Variants in EHD1 observed in about 807,000 individuals in gnomAD.
The protein encoded by EHD1 is EH domain-containing protein 1.
EHD1 carries 19 observed loss-of-function variants against 39.0 expected under a neutral mutation model. That is an observed-to-expected ratio of 0.49 (90% confidence interval 0.34 to 0.72). The LOEUF is 0.72. Among genes scored for constraint, EHD1 ranks in the 30% least tolerant of loss-of-function variants. The pLI, the probability that EHD1 is intolerant of heterozygous loss-of-function variation, is 0.01. For synonymous variants in EHD1, 323 were observed against 331.2 expected (o/e 0.98, Z 0.27); for missense variants, 542 against 751.5 (o/e 0.72, Z 3.26).
chr11:64,879,657 C>G, upstream of EHD1: 2 of 1,550,894 alleles, frequency 1.3e-6, no homozygotes, highest in Non-Finnish European at 8.7e-7. Flanking sequence ...CCATCCTCCC[C>G]GGCCACACAC....
At chr11:64,859,143 C>A (rs1417192739) in intron 3 of EHD1, among the ~76,000 whole-genome samples, 2 of 152,298 alleles carry the variant, frequency 1.3e-5, no homozygotes, top group Non-Finnish European at 1.5e-5. Flanking sequence ...TTTTTGTTTG[C>A]GTGCTCTGCT....
At chr11:64,863,525 T>A (rs1181926078) in intron 2 of EHD1, among the ~76,000 whole-genome samples, 1 of 152,168 alleles carries the variant, frequency 6.6e-6, no homozygotes, top group Non-Finnish European at 1.5e-5. Flanking sequence ...CAAAGGCAGG[T>A]CCACAGCCCA....
At chr11:64,864,460 A>G (rs1943747102) in intron 2 of EHD1, among the ~76,000 whole-genome samples, 1 of 152,204 alleles carries the variant, frequency 6.6e-6, no homozygotes, top group African/African-American at 2.4e-5. Context: ...AGAAAACCAG[A>G]AAGAGAGGCC....
At chr11:64,861,395 C>G (rs547635257) in intron 2 of EHD1, among the ~76,000 whole-genome samples, 6 of 152,190 alleles carry the variant, frequency 3.9e-5, no homozygotes, top group Admixed American at 1.3e-4. Context: ...CAGCACTGTG[C>G]TCAGCACAGC....
At chr11:64,870,240 C>A (rs2136494728) in intron 2 of EHD1, among the ~76,000 whole-genome samples, 1 of 152,294 alleles carries the variant, frequency 6.6e-6, no homozygotes, top group South Asian at 2.1e-4. Flanking sequence ...CCAACAGGGG[C>A]AAAGGTCTGT....
At chr11:64,878,653 G>C (rs1255866364), upstream of EHD1, 7 of 1,388,596 alleles carry the variant, frequency 5.0e-6, no homozygotes, top group Admixed American at 2.1e-4. Flanking sequence ...GGCCTTTATA[G>C]GGTCGGTCCC....
chr11:64,860,368 GC>G, intron 2 of EHD1, 32 bp from the exon 3 acceptor site: 1 of 1,587,668 alleles, frequency 6.3e-7, no homozygotes, highest in South Asian at 1.1e-5. Context: ...GCTCAGGGGC[GC>G]CAAGGGACCT....
chr11:64,855,640 G>T, intron 3 of EHD1, 154 bp from the exon 4 acceptor site: 1 of 1,065,868 alleles, frequency 9.4e-7, no homozygotes, highest in Non-Finnish European at 1.3e-6. Context: ...ACCACCACCG[G>T]CTCCCACAGT....
rs761920706 is a variant in EHD1, at chr11:64,860,366, G to C, written c.503-30C>G. On this transcript the variant is annotated intron_variant, in intron 2 of 4. Coordinates refer to ENST00000320631, the MANE Select transcript of EHD1 (RefSeq NM_006795.4). ...GGGGAAGAGAAGGGAGAGCTCAGGG[G>C]CGCCAAGGGACCTGCTGCTCTGATG... is the stretch of plus-strand genomic sequence containing the variant. The C allele has an allele frequency of 4.4e-6, 7 of 1,590,598 alleles. No homozygotes were observed. The South Asian group carries it at 7.9e-5, about 18-fold the overall frequency.
chr11:64,874,523 A>G lies in EHD1; in HGVS notation c.405-5T>C, dbSNP rs377651475. The G allele has an allele frequency of 2.4e-5, 38 of 1,600,240 alleles. No homozygotes were observed. Among genetic ancestry groups the G allele is most frequent in the Non-Finnish European group, 3.0e-5 (35 of 1,173,686 alleles). ...GGCAGCTGGGCACACATGAACCTACATGAGAGCAAGAGCCAGAAGAGAGGC... is the reference window on the plus strand; with the variant it reads ...GGCAGCTGGGCACACATGAACCTACGTGAGAGCAAGAGCCAGAAGAGAGGC... On this transcript the variant is annotated splice_polypyrimidine_tract_variant and splice_region_variant and intron_variant, in intron 1 of 4. Coordinates refer to ENST00000320631, the MANE Select transcript of EHD1 (RefSeq NM_006795.4).
intron 2 of EHD1, among the ~76,000 whole-genome samples, chr11:64,861,089 T>C (rs140575345): frequency 0.014 from 2,164 of 149,698 alleles, 48 homozygotes; most frequent in African/African-American, 0.05. Context: ...AGGAGGCTGA[T>C]GCAGGAGAAC....
chr11:64,867,539 T>C (rs1294716079), intron 2 of EHD1, among the ~76,000 whole-genome samples: 3 of 151,772 alleles, frequency 2.0e-5, no homozygotes, highest in African/African-American at 4.8e-5. Flanking sequence ...GTCAACATGG[T>C]GAAACCCTGT....
At chr11:64,876,494 TCAAAGCACCGGTCTCGGA>T (rs981460764) in intron 1 of EHD1, among the ~76,000 whole-genome samples, 21 of 152,220 alleles carry the variant, frequency 1.4e-4, no homozygotes, top group African/African-American at 5.1e-4. Context: ...ACCAATGTCA[TCAAAGCACCGGTCTCGGA>T]CAAAGCAATC....
chr11:64,878,948 C>G, upstream of EHD1: 1 of 1,004,526 alleles, frequency 1.0e-6, no homozygotes, highest in Non-Finnish European at 1.2e-6. Flanking sequence ...GGCACCGTGG[C>G]CCCCCCACAC....
chr11:64,866,499 T>C (rs1322185044), intron 2 of EHD1, among the ~76,000 whole-genome samples: 1 of 151,936 alleles, frequency 6.6e-6, no homozygotes, highest in Admixed American at 6.6e-5. Flanking sequence ...CTGGGTAACA[T>C]AGCGAGACCC....
intron 2 of EHD1, among the ~76,000 whole-genome samples, chr11:64,870,084 G>C (rs1943811927): frequency 6.6e-6 from 1 of 152,230 alleles, no homozygotes; most frequent in South Asian, 2.1e-4. Context: ...TGGGAACAGG[G>C]AACACAATAC....
upstream of EHD1, chr11:64,879,018 C>T (rs1943925049): frequency 2.0e-6 from 2 of 996,650 alleles, no homozygotes; most frequent in African/African-American, 1.7e-5. Flanking sequence ...GACTACGCGC[C>T]GCGCCCGCCG....
At chr11:64,860,849 G>C (rs1943708945) in intron 2 of EHD1, among the ~76,000 whole-genome samples, 2 of 151,964 alleles carry the variant, frequency 1.3e-5, no homozygotes, top group African/African-American at 4.8e-5. Flanking sequence ...GTGAAGCCCT[G>C]TCTCTACTGA....
intron 3 of EHD1, 177 bp from the exon 4 acceptor site, chr11:64,855,663 C>T: frequency 1.2e-6 from 1 of 843,504 alleles, no homozygotes; most frequent in Non-Finnish European, 1.8e-6. Context: ...TAGGAGCAGA[C>T]ACAATCTGGC....
Sources: allele counts gnomAD v4.1 joint callset (sites outside exome capture counted in the v4.1 genomes callset), GRCh38; gene constraint gnomAD v4.1.1; transcripts MANE v1.5; gene names NCBI Gene and HGNC (gene_info 2026-07-23, HGNC 2026-07-21).